TBL3: variants seen among roughly 807,000 people sequenced by gnomAD.
TBL3 encodes transducin beta like 3.
In TBL3, 71 loss-of-function variants were observed where a neutral mutation model predicts 102.7. The observed-to-expected ratio is 0.69, with a 90% CI of 0.57 to 0.84. TBL3 has a LOEUF of 0.84. Ranked by LOEUF, TBL3 falls within the 40% of genes least tolerant of loss-of-function variation. The pLI is 0.00. For synonymous variants in TBL3, 578 were observed against 477.7 expected (o/e 1.21, Z -2.74); for missense variants, 1,188 against 1,098.5 (o/e 1.08, Z -1.15).
Position 1,974,999 on chromosome 16 carries a change from T to C in TBL3, c.536T>C (p.Val179Ala), listed in dbSNP as rs747314213. 32 of 1,607,456 alleles carry C rather than the reference T, an allele frequency of 2.0e-5. 1 individual carries two copies. In the Admixed American group the frequency reaches 5.3e-4, roughly 27 times the overall value. Reference protein sequence around the residue: ...FSSATDAAIRVWSLQDRSCLA... With the variant: ...FSSATDAAIRAWSLQDRSCLA... ...TCGGCCACGGATGCCGCCATCCGCG[T>C]GTGGTCACTGCAGGACCGGTCATGC... Residue 179 changes from valine (V) to alanine (A), a missense_variant, in exon 7 of 22, where the codon GTG (valine) becomes GCG (alanine). Transcript: ENST00000568546.
chr16:1,978,852 G>A lies in TBL3; in HGVS notation c.*167G>A, dbSNP rs772552333. 8.9e-7 allele frequency: 1 copy of A among 1,118,752 alleles called. No homozygotes were observed. Among genetic ancestry groups the A allele is most frequent in the Non-Finnish European group, 1.3e-6 (1 of 795,106 alleles). 69.3% of individuals were successfully genotyped at this position (1,118,752 alleles called of 1,614,324 possible). ...GAGCTGATGGTCTCGGCCCTGCCAC[G>A]CCCATCCCGCACCCTGGCCTGGCAG... On this transcript the variant is annotated 3_prime_UTR_variant, in exon 22 of 22. Transcript: ENST00000568546.
chr16:1,982,109 C>T lies in TBL3; in HGVS notation c.*3424C>T, dbSNP rs1212197521. 2 of 152,214 alleles carry T rather than the reference C, an allele frequency of 1.3e-5. No homozygotes were observed. Among genetic ancestry groups the T allele is most frequent in the Non-Finnish European group, 2.9e-5 (2 of 68,048 alleles). 9.4% of individuals were successfully genotyped at this position (152,214 alleles called of 1,614,324 possible). A position where few individuals can be genotyped will look rare whatever the true frequency, so the allele number is the denominator to read the frequency against. On this transcript the variant is annotated 3_prime_UTR_variant, in exon 22 of 22. Coordinates refer to ENST00000568546, the MANE Select transcript of TBL3 (RefSeq NM_006453.3). Reference sequence around the variant, plus strand: ...TCAACCCTGGCACACAGTGGTTTTTCCTCGTGCTGGGGCCACCAGTTCTGT... The same window carrying T: ...TCAACCCTGGCACACAGTGGTTTTTTCTCGTGCTGGGGCCACCAGTTCTGT...
intron 4 of TBL3, 35 bp downstream of exon 4, chr16:1,974,458 A>G (rs778347492): frequency 5.6e-6 from 9 of 1,593,246 alleles, no homozygotes; most frequent in Admixed American, 5.2e-5. Flanking sequence ...GACCCGCTCC[A>G]GCGCCTCCCT....
intron 1 of TBL3, among the ~76,000 whole-genome samples, chr16:1,972,928 G>C (rs1420047402): frequency 6.6e-6 from 1 of 152,144 alleles, no homozygotes; most frequent in African/African-American, 2.4e-5. Flanking sequence ...CCCAGGCCGC[G>C]TACAGGGAAT....
chr16:1,977,570 C>T lies in TBL3; in HGVS notation c.1799C>T (p.Thr600Met), dbSNP rs773762962. 1.6e-5 allele frequency: 26 copies of T among 1,587,174 alleles called. No homozygotes were observed. The highest frequency in any genetic ancestry group is 4.5e-5 in the South Asian group (4 of 88,232). ...WTIKNNECVR[T>M]LDAHEDKVWG... ...ATCAAGAACAACGAGTGTGTGCGGA[C>T]GCTGGATGCCCACGAGGACAAGGTC... is the stretch of plus-strand genomic sequence containing the variant. The change falls in exon 17 of 22, where the codon ACG (threonine) becomes ATG (methionine). Residue 600 changes from threonine to methionine, a missense_variant. Coordinates refer to ENST00000568546, the MANE Select transcript of TBL3 (RefSeq NM_006453.3).
Position 1,978,296 on chromosome 16 carries a change from G to C in TBL3, c.2135-17G>C. On this transcript the variant is annotated splice_polypyrimidine_tract_variant and intron_variant, in intron 20 of 21. Coordinates refer to ENST00000568546, the MANE Select transcript of TBL3 (RefSeq NM_006453.3). ...CAGATTGGCTGGGCAAGACGATGAGGGTCCTGTTGCCCACAGAGGCCCTGC... is the reference window on the plus strand; with the variant it reads ...CAGATTGGCTGGGCAAGACGATGAGCGTCCTGTTGCCCACAGAGGCCCTGC... 2 of 1,610,000 alleles carry C rather than the reference G, an allele frequency of 1.2e-6. No homozygotes were observed. The highest frequency in any genetic ancestry group is 1.3e-5 in the African/African-American group (1 of 75,026).
Position 1,978,849 on chromosome 16 carries a change from C to A in TBL3, c.*164C>A. 2.6e-6 allele frequency: 3 copies of A among 1,142,834 alleles called. No individual in the cohort carries two copies. Among genetic ancestry groups the A allele is most frequent in the Non-Finnish European group, 3.7e-6 (3 of 815,340 alleles). The allele number at this position is 1,142,834 out of a possible 1,614,324, so 70.8% of individuals were successfully genotyped here. A position where few individuals can be genotyped will look rare whatever the true frequency, so the allele number is the denominator to read the frequency against. ...CTGGAGCTGATGGTCTCGGCCCTGC[C>A]ACGCCCATCCCGCACCCTGGCCTGG... is the stretch of plus-strand genomic sequence containing the variant. On this transcript the variant is annotated 3_prime_UTR_variant, in exon 22 of 22. Coordinates refer to ENST00000568546, the MANE Select transcript of TBL3 (RefSeq NM_006453.3).
chr16:1,981,301 G>A lies in TBL3; in HGVS notation c.*2616G>A. 2 of 1,483,022 alleles carry A rather than the reference G, an allele frequency of 1.3e-6. No homozygotes were observed. The highest frequency in any genetic ancestry group is 2.7e-5 in the South Asian group (2 of 75,392). 91.9% of individuals were successfully genotyped at this position (1,483,022 alleles called of 1,614,324 possible). A position where few individuals can be genotyped will look rare whatever the true frequency, so the allele number is the denominator to read the frequency against. On this transcript the variant is annotated 3_prime_UTR_variant, in exon 22 of 22. Transcript: ENST00000568546. ...GGATAGAATCCTGGCAACACCTCAA[G>A]CCTGTGGGGTCCTTGTGGAGCCGCC...
At position 1,979,202 on chromosome 16, in the gene TBL3, AGGGGCGGTGGCC is replaced by A. The variant is rs1351587658; in HGVS notation, c.*518_*529del. On this transcript the variant is annotated 3_prime_UTR_variant, in exon 22 of 22. Coordinates refer to ENST00000568546, the MANE Select transcript of TBL3 (RefSeq NM_006453.3). The stretch of plus-strand genomic sequence containing the variant: ...AAGGTCGGGTGGGCACGGTGGGGGG[AGGGGCGGTGGCC>A]TGGGAGGGTTCAGGGAAGCCCCGGG... 7.8e-7 allele frequency: 1 copy of A among 1,275,674 alleles called. No individual in the cohort carries two copies. Among genetic ancestry groups the A allele is most frequent in the South Asian group, 1.4e-5 (1 of 69,664 alleles). The allele number at this position is 1,275,674 out of a possible 1,614,324, so 79.0% of individuals were successfully genotyped here. A position where few individuals can be genotyped will look rare whatever the true frequency, so the allele number is the denominator to read the frequency against.
Position 1,979,012 on chromosome 16 carries a change from TGGGATGGCGCGGTCCATCCCCTCATC to T in TBL3, c.*333_*358del. The stretch of plus-strand genomic sequence containing the variant: ...CGCCCTCCCCGCTCCTCCCCAGCCC[TGGGATGGCGCGGTCCATCCCCTCATC>T]GGGATCCTCGCGCTCACTGCTCCGT... On this transcript the variant is annotated 3_prime_UTR_variant, in exon 22 of 22. Coordinates refer to ENST00000568546, the MANE Select transcript of TBL3 (RefSeq NM_006453.3). 6.6e-7 allele frequency: 1 copy of T among 1,510,298 alleles called. No homozygotes were observed. Among genetic ancestry groups the T allele is most frequent in the Non-Finnish European group, 8.8e-7 (1 of 1,135,088 alleles). The allele number at this position is 1,510,298 out of a possible 1,614,324, so 93.6% of individuals were successfully genotyped here.
intron 6 of TBL3, 29 bp from the exon 7 acceptor site, chr16:1,974,899 C>G: frequency 6.2e-7 from 1 of 1,612,454 alleles, no homozygotes; most frequent in African/African-American, 1.3e-5. Flanking sequence ...GGCTGCACAG[C>G]TCACCCATCC....
At position 1,977,297 on chromosome 16, in the gene TBL3, C is replaced by T; in HGVS notation, c.1671+13C>T. 1 of 1,613,292 alleles carries T rather than the reference C, an allele frequency of 6.2e-7. No individual in the cohort carries two copies. Among genetic ancestry groups the T allele is most frequent in the Non-Finnish European group, 8.5e-7 (1 of 1,179,864 alleles). ...CAGCTGTCTCAAGGTAAGTGGCGCT[C>T]CAGACCCTCCCCACTTCCCGCCCTG... On this transcript the variant is annotated intron_variant, in intron 15 of 21. Coordinates refer to ENST00000568546, the MANE Select transcript of TBL3 (RefSeq NM_006453.3).
intron 1 of TBL3, among the ~76,000 whole-genome samples, chr16:1,973,390 A>G (rs1457095571): frequency 1.3e-5 from 2 of 152,188 alleles, no homozygotes; most frequent in East Asian, 3.9e-4. Context: ...AGATCGTGCC[A>G]CTGCACTCCA....
Position 1,980,124 on chromosome 16 carries a change from G to A in TBL3, c.*1439G>A, listed in dbSNP as rs375214922. The A allele has an allele frequency of 3.5e-5, 56 of 1,607,494 alleles. No homozygotes were observed. In the African/African-American group the frequency reaches 5.5e-4, roughly 16 times the overall value. On this transcript the variant is annotated 3_prime_UTR_variant, in exon 22 of 22. Transcript: ENST00000568546. ...TCTGAGCCTCCAGACTGTGGATGGA[G>A]AGGCGGCCCGCAGCGCGAGAAAGAG...
In TBL3 at chr16:1,978,385, G is replaced by C; in HGVS notation, c.2207G>C (p.Gly736Ala). ...TGCCACGAGGCCCAGGCCGTGCTGG[G>C]TGTGCTCTTGAGGCGAGAGGCCCCC... ...RHCHEAQAVL[G>A]VLLRREAPEE... The change falls in exon 21 of 22, where the codon GGT (glycine) becomes GCT (alanine). Residue 736 changes from glycine to alanine, a missense_variant. Gly to Ala is a moderately conservative substitution (Grantham distance 60). Coordinates refer to ENST00000568546, the MANE Select transcript of TBL3 (RefSeq NM_006453.3). The C allele has an allele frequency of 6.2e-7, 1 of 1,611,578 alleles. No individual in the cohort carries two copies. Among genetic ancestry groups the C allele is most frequent in the Non-Finnish European group, 8.5e-7 (1 of 1,179,038 alleles).
At chr16:1,976,343 G>T (rs1338047691) in intron 13 of TBL3, 29 bp downstream of exon 13, 2 of 1,590,906 alleles carry the variant, frequency 1.3e-6, no homozygotes, top group Non-Finnish European at 8.6e-7. Flanking sequence ...GCCCAGGGGT[G>T]TCAGGGAGGT....
At position 1,975,708 on chromosome 16, in the gene TBL3, C is replaced by G; in HGVS notation, c.985C>G (p.Gln329Glu). 2 of 1,612,196 alleles carry G rather than the reference C, an allele frequency of 1.2e-6. No homozygotes were observed. The highest frequency in any genetic ancestry group is 1.7e-6 in the Non-Finnish European group (2 of 1,179,382). ...GGCTCGCTCCCTGCGGCTGCAGAAA[C>G]AGGTGCACACCTGCCCTTGCTCAGT... is the stretch of plus-strand genomic sequence containing the variant. Reference protein sequence around the residue: ...YEARSLRLQKQFAGYSEEVLD... With the variant: ...YEARSLRLQKEFAGYSEEVLD... Residue 329 changes from glutamine (Q) to glutamate (E), a missense_variant and splice_region_variant, in exon 10 of 22, where the codon CAG becomes GAG. Physicochemically the swap from Gln to Glu is conservative, Grantham distance 29. Coordinates refer to ENST00000568546, the MANE Select transcript of TBL3 (RefSeq NM_006453.3).
chr16:1,979,024 G>T lies in TBL3; in HGVS notation c.*339G>T. On this transcript the variant is annotated 3_prime_UTR_variant, in exon 22 of 22. Transcript: ENST00000568546. ...TCCTCCCCAGCCCTGGGATGGCGCGGTCCATCCCCTCATCGGGATCCTCGC... is the reference window on the plus strand; with the variant it reads ...TCCTCCCCAGCCCTGGGATGGCGCGTTCCATCCCCTCATCGGGATCCTCGC... 6.5e-7 allele frequency: 1 copy of T among 1,528,338 alleles called. No individual in the cohort carries two copies. Among genetic ancestry groups the T allele is most frequent in the Non-Finnish European group, 8.7e-7 (1 of 1,145,102 alleles). 94.7% of individuals were successfully genotyped at this position (1,528,338 alleles called of 1,614,324 possible).
In TBL3 at chr16:1,979,571, G is replaced by T; in HGVS notation, c.*886G>T. 6.4e-7 allele frequency: 1 copy of T among 1,568,500 alleles called. No individual in the cohort carries two copies. The highest frequency in any genetic ancestry group is 8.7e-7 in the Non-Finnish European group (1 of 1,145,254). Reference sequence around the variant, plus strand: ...GTGGGAGTGGGTGTTTGGAGTCACCGCGGGGCCACAGAGGACGAGGCCCGC... The same window carrying T: ...GTGGGAGTGGGTGTTTGGAGTCACCTCGGGGCCACAGAGGACGAGGCCCGC... On this transcript the variant is annotated 3_prime_UTR_variant, in exon 22 of 22. Transcript: ENST00000568546.
Sources: allele counts gnomAD v4.1 joint callset (sites outside exome capture counted in the v4.1 genomes callset), GRCh38; gene constraint gnomAD v4.1.1; transcripts MANE v1.5; gene names NCBI Gene and HGNC (gene_info 2026-07-23, HGNC 2026-07-21).